Variants in NCOA6 observed in about 807,000 individuals in gnomAD.
NCOA6 encodes the protein nuclear receptor coactivator 6, also known as NRC RAP250.
Under a neutral mutation model 171.4 loss-of-function variants are expected in NCOA6, and 49 were observed. The ratio of observed to expected loss-of-function variants is 0.29; its 90% confidence interval spans 0.23 to 0.36. The LOEUF (loss-of-function observed/expected upper bound fraction) is 0.36, where lower values mean the gene tolerates loss of function less well. NCOA6 is among the 10% of genes least tolerant of loss of function. The probability of loss-of-function intolerance (pLI) is 1.00; values close to 1 mark genes in which losing one functional copy is unlikely to be tolerated. For missense variants in NCOA6, 2,248 were observed against 2,554.5 expected (o/e 0.88, Z 2.59); for synonymous variants, 910 against 927.5 (o/e 0.98, Z 0.34).
chr20:34,717,081 G>A (rs1988693468), intron 14 of NCOA6, among the ~76,000 whole-genome samples: 1 of 152,122 alleles, frequency 6.6e-6, no homozygotes, highest in Non-Finnish European at 1.5e-5. Flanking sequence ...ATAATATTTT[G>A]TGAACCCAGA....
intron 1 of NCOA6, among the ~76,000 whole-genome samples, chr20:34,824,724 C>A (rs1157741137): frequency 6.6e-6 from 1 of 152,204 alleles, no homozygotes; most frequent in East Asian, 1.9e-4. Context: ...TCAAACACCT[C>A]CTTTTTCCTG....
chr20:34,736,524 T>C (rs1198555891), intron 12 of NCOA6, among the ~76,000 whole-genome samples, 166 bp downstream of exon 12: 2 of 152,182 alleles, frequency 1.3e-5, no homozygotes. Context: ...TAATCTCAAG[T>C]AGAACTGCAC....
chr20:34,810,273 T>C (rs1306565765), intron 1 of NCOA6, among the ~76,000 whole-genome samples: 2 of 152,232 alleles, frequency 1.3e-5, no homozygotes, highest in East Asian at 1.9e-4. Flanking sequence ...AGGTCACAGA[T>C]ATAGTTAGCT....
In NCOA6 at chr20:34,825,579, T is replaced by A. The variant is rs1416326802; in HGVS notation, c.-271A>T. 1 of 146,772 alleles carries A rather than the reference T, an allele frequency of 6.8e-6. No homozygotes were observed. The highest frequency in any genetic ancestry group is 2.5e-5 in the African/African-American group (1 of 39,988). 9.1% of individuals were successfully genotyped at this position (146,772 alleles called of 1,614,324 possible). ...CCGTCAGTCCTCGCGTGCGCCCGTCTGTCCCGCCGCCCGCGCCCGGCCGCC... is the reference window on the plus strand; with the variant it reads ...CCGTCAGTCCTCGCGTGCGCCCGTCAGTCCCGCCGCCCGCGCCCGGCCGCC... On this transcript the variant is annotated 5_prime_UTR_variant, in exon 1 of 15. Transcript: ENST00000359003.
At chr20:34,734,174 C>T (rs1020912046) in intron 12 of NCOA6, among the ~76,000 whole-genome samples, 2 of 151,600 alleles carry the variant, frequency 1.3e-5, no homozygotes, top group Non-Finnish European at 2.9e-5. Context: ...AAGCGATTCT[C>T]CTGCCACAGC....
Position 34,757,320 on chromosome 20 carries a change from C to A in NCOA6, c.1428G>T (p.Arg476=), listed in dbSNP as rs750290262. 1.9e-5 allele frequency: 30 copies of A among 1,613,982 alleles called. No individual in the cohort carries two copies. Among genetic ancestry groups the A allele is most frequent in the Admixed American group, 1.8e-4 (11 of 60,004 alleles). The change falls in exon 7 of 15, where the codon CGG becomes CGT. Residue 476 remains arginine (R), a synonymous_variant. Coordinates refer to ENST00000359003, the MANE Select transcript of NCOA6 (RefSeq NM_014071.5). ...CATTTCCCTGTTGAACCATAGGATT[C>A]CGACCCGGAGAGCTGACAGGCTGCT... ...GFQQPVSSPG[R]NPMVQQGNVP... is the part of the protein sequence containing the mutation.
In NCOA6 at chr20:34,811,209, A is replaced by G. The variant is rs1413787725; in HGVS notation, c.-164+14263T>C. 9.7e-5 allele frequency among the ~76,000 whole-genome samples: 12 copies of G among 124,192 alleles called. 2 individuals are homozygous for G. Among genetic ancestry groups the G allele is most frequent in the South Asian group, 2.7e-4 (1 of 3,700 alleles). The allele number at this position is 124,192 out of a possible 152,430, so 81.5% of individuals were successfully genotyped here. A position where few individuals can be genotyped will look rare whatever the true frequency, so the allele number is the denominator to read the frequency against. On this transcript the variant is annotated intron_variant, in intron 1 of 14. Transcript: ENST00000359003. ...AACAACAACAACAACGTGTATATAT[A>G]TATATATATATATATATATATATAT...
At chr20:34,780,508 C>A (rs960438740) in intron 3 of NCOA6, among the ~76,000 whole-genome samples, 1 of 151,994 alleles carries the variant, frequency 6.6e-6, no homozygotes, top group African/African-American at 2.4e-5. Flanking sequence ...CCTGCCAGCA[C>A]GCCTGACTAA....
At chr20:34,723,045 G>A (rs1484022414) in intron 14 of NCOA6, among the ~76,000 whole-genome samples, 1 of 152,112 alleles carries the variant, frequency 6.6e-6, no homozygotes, top group Non-Finnish European at 1.5e-5. Flanking sequence ...AGAAAAAGCT[G>A]TATAATAAAC....
At chr20:34,775,784 A>C (rs1487582715) in intron 4 of NCOA6, among the ~76,000 whole-genome samples, 8 of 152,006 alleles carry the variant, frequency 5.3e-5, no homozygotes, top group Non-Finnish European at 1.2e-4. Flanking sequence ...GAAAATACTA[A>C]AGTTTATTTG....
chr20:34,720,883 T>C (rs1021179352), intron 14 of NCOA6, among the ~76,000 whole-genome samples: 9 of 152,194 alleles, frequency 5.9e-5, no homozygotes, highest in East Asian at 1.9e-4. Flanking sequence ...TTGGATACAA[T>C]ATACAGGCCA....
chr20:34,717,970 C>A (rs948272205), intron 14 of NCOA6, among the ~76,000 whole-genome samples: 1 of 152,086 alleles, frequency 6.6e-6, no homozygotes, highest in Non-Finnish European at 1.5e-5. Flanking sequence ...GGAGAAGCAA[C>A]CTCAGGCTCC....
At position 34,715,374 on chromosome 20, in the gene NCOA6, G is replaced by C; in HGVS notation, c.6149-9C>G. 6.2e-7 allele frequency: 1 copy of C among 1,602,970 alleles called. No homozygotes were observed. The highest frequency in any genetic ancestry group is 8.5e-7 in the Non-Finnish European group (1 of 1,169,882). On this transcript the variant is annotated splice_polypyrimidine_tract_variant and intron_variant, in intron 14 of 14. Coordinates refer to ENST00000359003, the MANE Select transcript of NCOA6 (RefSeq NM_014071.5). Reference sequence around the variant, plus strand: ...CACCGCACTGGTTATGTCTGTGGGGGAAAGAAAGGACATGTTCAGTGGAAG... The same window carrying C: ...CACCGCACTGGTTATGTCTGTGGGGCAAAGAAAGGACATGTTCAGTGGAAG...
intron 14 of NCOA6, among the ~76,000 whole-genome samples, chr20:34,717,039 T>A (rs1988690583): frequency 6.6e-6 from 1 of 152,238 alleles, no homozygotes; most frequent in South Asian, 2.1e-4. Flanking sequence ...TTAGGTTGTA[T>A]TCAAGGCAAA....
chr20:34,727,727 T>C (rs1416594601), intron 13 of NCOA6, among the ~76,000 whole-genome samples: 1 of 140,260 alleles, frequency 7.1e-6, no homozygotes, highest in Non-Finnish European at 1.6e-5. Context: ...TTTTCTTTTC[T>C]TTTTTTTTTT....
intron 2 of NCOA6, among the ~76,000 whole-genome samples, chr20:34,786,970 G>A (rs2077702444): frequency 6.6e-6 from 1 of 152,000 alleles, no homozygotes; most frequent in Admixed American, 6.6e-5. Context: ...AATTGAAAGT[G>A]GGATCTAATT....
intron 8 of NCOA6, among the ~76,000 whole-genome samples, chr20:34,753,249 G>A (rs1031318425): frequency 1.3e-5 from 2 of 151,256 alleles, no homozygotes; most frequent in Admixed American, 6.6e-5. Context: ...GTTTTACCAC[G>A]TTGGTCAGGA....
In NCOA6 at chr20:34,750,007, T is replaced by C. The variant is rs780060645; in HGVS notation, c.2188A>G (p.Thr730Ala). The change falls in exon 9 of 15, where the codon ACT becomes GCT. Residue 730 changes from threonine (T) to alanine (A), a missense_variant. By Grantham distance (58) the Thr-to-Ala change is moderately conservative. This residue lies in a region of NCOA6 where 987 missense variants were observed against 1,104.7 expected (regional missense o/e 0.89). Transcript: ENST00000359003. ...GGCATGACATTGGACTGGTTCTGAGTGTTAAACTGCTGCTTATTCCCCTGC... is the reference window on the plus strand; with the variant it reads ...GGCATGACATTGGACTGGTTCTGAGCGTTAAACTGCTGCTTATTCCCCTGC... ...QMQGNKQQFN[T>A]QNQSNVMPGP... 1.9e-6 allele frequency: 3 copies of C among 1,614,084 alleles called. No homozygotes were observed. The African/African-American group carries it at 4.0e-5, about 22-fold the overall frequency.
intron 1 of NCOA6, among the ~76,000 whole-genome samples, chr20:34,793,104 T>C (rs2077948860): frequency 6.6e-6 from 1 of 152,116 alleles, no homozygotes; most frequent in South Asian, 2.1e-4. Flanking sequence ...TTTAGGCCAC[T>C]CATCAGCAAG....
Sources: allele counts gnomAD v4.1 joint callset (sites outside exome capture counted in the v4.1 genomes callset), GRCh38; gene constraint gnomAD v4.1.1; regional missense constraint gnomAD v4.1.1; transcripts MANE v1.5; gene names NCBI Gene and HGNC (gene_info 2026-07-23, HGNC 2026-07-21).